ATF1: variants seen among roughly 807,000 people sequenced by gnomAD.
ATF1 encodes the protein cyclic AMP-dependent transcription factor ATF-1.
A neutral mutation model predicts 34.7 loss-of-function variants in ATF1; 16 were observed. That is an observed-to-expected ratio of 0.46 (90% CI 0.31 to 0.70). The LOEUF (loss-of-function observed/expected upper bound fraction) is 0.70, where lower values mean the gene tolerates loss of function less well. ATF1 is among the 30% of genes least tolerant of loss of function. The pLI is 0.05. For synonymous variants in ATF1, 105 were observed against 113.1 expected, an observed-to-expected ratio of 0.93 and a Z score of 0.46; for missense variants, 255 against 321.6, an observed-to-expected ratio of 0.79 and a Z score of 1.58.
At chr12:50,765,322 C>T (rs367908686) in intron 1 of ATF1, among the ~76,000 whole-genome samples, 1 of 152,160 alleles carries the variant, frequency 6.6e-6, no homozygotes, top group Non-Finnish European at 1.5e-5. Context: ...ATGCAGTTAT[C>T]TCCGTGTCTT....
intron 3 of ATF1, among the ~76,000 whole-genome samples, chr12:50,804,655 G>T (rs941225487): frequency 1.3e-5 from 2 of 152,132 alleles, no homozygotes; most frequent in African/African-American, 4.8e-5. Context: ...TCTCTAAAAA[G>T]AAACTAACAG....
intron 2 of ATF1, among the ~76,000 whole-genome samples, chr12:50,790,982 A>G (rs1177711155): frequency 1.3e-5 from 2 of 152,084 alleles, no homozygotes; most frequent in Non-Finnish European, 2.9e-5. Context: ...TGGAACAAAC[A>G]GTAAAATTTT....
intron 2 of ATF1, among the ~76,000 whole-genome samples, chr12:50,783,310 T>A (rs1941112319): frequency 6.6e-6 from 1 of 152,212 alleles, no homozygotes; most frequent in Non-Finnish European, 1.5e-5. Flanking sequence ...GATATATCCT[T>A]CTGCCTTATT....
intron 2 of ATF1, among the ~76,000 whole-genome samples, chr12:50,781,124 G>GACTGGTTGGGT (rs2139651108): frequency 6.6e-6 from 1 of 152,214 alleles, no homozygotes; most frequent in East Asian, 1.9e-4. Flanking sequence ...ATCTGTGGGA[G>GACTGGTTGGGT]ACTGGTTCCA....
intron 6 of ATF1, among the ~76,000 whole-genome samples, chr12:50,817,164 G>A (rs1000306823): frequency 1.3e-5 from 2 of 152,168 alleles, no homozygotes; most frequent in African/African-American, 2.4e-5. Flanking sequence ...CTGTGTGACT[G>A]AGAGGAACTT....
intron 3 of ATF1, among the ~76,000 whole-genome samples, chr12:50,798,101 A>T (rs1471911689): frequency 6.6e-6 from 1 of 151,558 alleles, no homozygotes; most frequent in African/African-American, 2.4e-5. Flanking sequence ...GTGAGCTGAG[A>T]TCGTGCCACT....
chr12:50,816,364 G>A (rs942224685), intron 6 of ATF1, among the ~76,000 whole-genome samples: 3 of 151,756 alleles, frequency 2.0e-5, no homozygotes, highest in Non-Finnish European at 2.9e-5. Context: ...GACTGGGAAC[G>A]GTGAGGGGCA....
Position 50,790,532 on chromosome 12 carries a change from T to C in ATF1, c.94-5377T>C, listed in dbSNP as rs1358878307. On this transcript the variant is annotated intron_variant, in intron 2 of 6. Coordinates refer to ENST00000262053, the MANE Select transcript of ATF1 (RefSeq NM_005171.5). ...ATTCTTCAATTTCTCTATGCCCATA[T>C]TGGGGTACTGTCAAAGAGGAACAGA... 6.6e-5 allele frequency among the ~76,000 whole-genome samples: 10 copies of C among 152,044 alleles called. No individual in the cohort carries two copies. In the South Asian group the frequency reaches 1.2e-3, roughly 19 times the overall value.
At chr12:50,789,015 T>C (rs1941246156) in intron 2 of ATF1, among the ~76,000 whole-genome samples, 2 of 152,202 alleles carry the variant, frequency 1.3e-5, no homozygotes, top group Non-Finnish European at 2.9e-5. Flanking sequence ...CATTCAGGCA[T>C]GCGTTACAGT....
intron 1 of ATF1, among the ~76,000 whole-genome samples, chr12:50,769,173 A>C (rs1008390217): frequency 1.3e-5 from 2 of 152,226 alleles, no homozygotes; most frequent in Non-Finnish European, 2.9e-5. Flanking sequence ...ATAAGAAGGC[A>C]TGGAAATGTG....
At position 50,768,606 on chromosome 12, in the gene ATF1, G is replaced by C. The variant is rs371688725; in HGVS notation, c.-7+4299G>C. ...TGTTATCATCATCATCTGTCTTTCT[G>C]TGTAGCTATATAGGTGTCGTGTGTA... is the stretch of plus-strand genomic sequence containing the variant. On this transcript the variant is annotated intron_variant, in intron 1 of 6. Coordinates refer to ENST00000262053, the MANE Select transcript of ATF1 (RefSeq NM_005171.5). 3.3e-5 allele frequency among the ~76,000 whole-genome samples: 5 copies of C among 152,278 alleles called. No individual in the cohort carries two copies. In the South Asian group the frequency reaches 8.3e-4, roughly 25 times the overall value.
At chr12:50,815,872 C>T (rs1210807084) in intron 6 of ATF1, among the ~76,000 whole-genome samples, 1 of 152,158 alleles carries the variant, frequency 6.6e-6, no homozygotes, top group Non-Finnish European at 1.5e-5. Context: ...AACTATGTGT[C>T]CATCAGTGGA....
intron 3 of ATF1, among the ~76,000 whole-genome samples, chr12:50,807,714 A>T (rs1280064200): frequency 6.6e-6 from 1 of 151,900 alleles, no homozygotes; most frequent in African/African-American, 2.4e-5. Flanking sequence ...TACAGTGAAC[A>T]TAGAATTCTT....
intron 3 of ATF1, among the ~76,000 whole-genome samples, chr12:50,806,915 T>C (rs142002211): frequency 6.6e-6 from 1 of 152,336 alleles, no homozygotes; most frequent in East Asian, 1.9e-4. Context: ...TTGTGCTTCC[T>C]GTGGAACTTC....
At chr12:50,810,179 GTATAT>G (rs1941705541) in intron 4 of ATF1, among the ~76,000 whole-genome samples, 1 of 147,020 alleles carries the variant, frequency 6.8e-6, no homozygotes, top group African/African-American at 2.5e-5. Flanking sequence ...CATAATTGCT[GTATAT>G]TATATTAGTA....
At chr12:50,781,341 T>C (rs191710044) in intron 2 of ATF1, among the ~76,000 whole-genome samples, 41 of 152,320 alleles carry the variant, frequency 2.7e-4, no homozygotes, top group African/African-American at 9.1e-4. Context: ...GAGAAATTTT[T>C]TTTCCTGAAT....
At chr12:50,797,079 T>C (rs1565911646) in intron 3 of ATF1, among the ~76,000 whole-genome samples, 1 of 152,018 alleles carries the variant, frequency 6.6e-6, no homozygotes, top group Non-Finnish European at 1.5e-5. Flanking sequence ...TCTGAGTAGA[T>C]TACCTAGAAT....
intron 2 of ATF1, among the ~76,000 whole-genome samples, chr12:50,793,072 C>T (rs996996398): frequency 6.6e-6 from 1 of 152,090 alleles, no homozygotes; most frequent in South Asian, 2.1e-4. Context: ...CTCCTTTCTT[C>T]TCCTGATTAT....
At chr12:50,804,646 C>G (rs1212814238) in intron 3 of ATF1, among the ~76,000 whole-genome samples, 3 of 152,160 alleles carry the variant, frequency 2.0e-5, no homozygotes, top group African/African-American at 4.8e-5. Flanking sequence ...AAGACCCTAT[C>G]TCTAAAAAGA....
Sources: gnomAD v4.1 joint callset for allele counts (sites outside exome capture counted in the v4.1 genomes callset) on GRCh38, gnomAD v4.1.1 for gene constraint, MANE v1.5 for transcripts, NCBI Gene and HGNC (gene_info 2026-07-23, HGNC 2026-07-21) for gene names.